The following ADGRL3 variants were observed in gnomAD, a reference collection of about 807,000 sequenced individuals.
ADGRL3 encodes the protein adhesion G protein-coupled receptor L3.
ADGRL3 carries 62 observed loss-of-function variants against 153.5 expected under a neutral mutation model. That is an observed-to-expected ratio of 0.40 (90% CI 0.33 to 0.50). The LOEUF (loss-of-function observed/expected upper bound fraction) is 0.50. ADGRL3 is among the 20% of genes least tolerant of loss of function. ADGRL3 has a pLI of 0.47. For missense variants in ADGRL3, 1,641 were observed against 1,859.4 expected (o/e 0.88, Z 2.16); for synonymous variants, 710 against 672.5 (o/e 1.06, Z -0.86).
intron 9 of ADGRL3, among the ~76,000 whole-genome samples, chr4:61,887,322 CTTATAA>C (rs764449291): frequency 1.6e-4 from 25 of 152,112 alleles, no homozygotes; most frequent in Admixed American, 3.3e-4. Context: ...TTAAGGAAGA[CTTATAA>C]TTATATAATG....
At chr4:61,406,646 T>C (rs2097001943) in intron 2 of ADGRL3, among the ~76,000 whole-genome samples, 1 of 152,006 alleles carries the variant, frequency 6.6e-6, no homozygotes, top group Admixed American at 6.6e-5. Context: ...CTAGGATATA[T>C]ATGTGGTTAA....
intron 9 of ADGRL3, among the ~76,000 whole-genome samples, chr4:61,887,330 T>G (rs1233899452): frequency 2.0e-5 from 3 of 152,202 alleles, no homozygotes; most frequent in African/African-American, 7.2e-5. Flanking sequence ...GACTTATAAT[T>G]ATATAATGCA....
At chr4:61,297,832 C>T (rs1045831313) in intron 1 of ADGRL3, among the ~76,000 whole-genome samples, 11 of 152,102 alleles carry the variant, frequency 7.2e-5, no homozygotes, top group African/African-American at 2.7e-4. Context: ...GTCGCCACCA[C>T]CACCACCACC....
intron 5 of ADGRL3, among the ~76,000 whole-genome samples, chr4:61,642,937 A>G (rs552182907): frequency 2.0e-5 from 3 of 152,144 alleles, no homozygotes; most frequent in Non-Finnish European, 2.9e-5. Flanking sequence ...ATCTTCTTCC[A>G]TTTGTTTGTA....
intron 21 of ADGRL3, among the ~76,000 whole-genome samples, chr4:62,016,358 A>G (rs749403780): frequency 2.6e-5 from 4 of 151,910 alleles, no homozygotes; most frequent in Non-Finnish European, 5.9e-5. Flanking sequence ...TTTATTTTCT[A>G]TTCTATATTT....
chr4:61,678,139 G>A (rs981885992), intron 6 of ADGRL3, among the ~76,000 whole-genome samples: 7 of 151,894 alleles, frequency 4.6e-5, no homozygotes, highest in African/African-American at 1.7e-4. Context: ...AGCCCCTACT[G>A]ACGATTATTG....
At chr4:61,405,294 G>T (rs1415457638) in intron 2 of ADGRL3, among the ~76,000 whole-genome samples, 1 of 152,026 alleles carries the variant, frequency 6.6e-6, no homozygotes, top group Non-Finnish European at 1.5e-5. Flanking sequence ...TCATGTGTGT[G>T]TAATTAGTAT....
chr4:61,436,326 C>G (rs181672238), intron 2 of ADGRL3, among the ~76,000 whole-genome samples: 1 of 152,246 alleles, frequency 6.6e-6, no homozygotes, highest in Admixed American at 6.5e-5. Context: ...ATTTATTTCA[C>G]AAGCTTCTTA....
chr4:61,501,572 A>G (rs2098387249), intron 3 of ADGRL3, among the ~76,000 whole-genome samples: 1 of 152,192 alleles, frequency 6.6e-6, no homozygotes, highest in Non-Finnish European at 1.5e-5. Context: ...TAGCATCTAA[A>G]CAAAATTATT....
chr4:61,364,505 A>G (rs1338139267), intron 1 of ADGRL3, among the ~76,000 whole-genome samples: 3 of 152,034 alleles, frequency 2.0e-5, no homozygotes, highest in Non-Finnish European at 2.9e-5. Context: ...TTTTAAAACA[A>G]AACATTGGCC....
At chr4:61,664,550 C>T (rs2150649703) in intron 5 of ADGRL3, among the ~76,000 whole-genome samples, 1 of 151,930 alleles carries the variant, frequency 6.6e-6, no homozygotes, top group Middle Eastern at 3.4e-3. Context: ...TTTTAAATTT[C>T]AATATGGATT....
intron 17 of ADGRL3, among the ~76,000 whole-genome samples, chr4:61,973,563 A>T (rs984970359): frequency 6.6e-6 from 1 of 152,204 alleles, no homozygotes; most frequent in Non-Finnish European, 1.5e-5. Flanking sequence ...CTTTCTAGAG[A>T]TGATAGATTC....
intron 2 of ADGRL3, among the ~76,000 whole-genome samples, chr4:61,392,637 G>C (rs561208092): frequency 8.4e-6 from 1 of 119,012 alleles, no homozygotes; most frequent in Non-Finnish European, 1.6e-5. Flanking sequence ...AGTGAGCCCA[G>C]ATTGCGCCAC....
chr4:61,826,916 TAAA>T (rs34335394), intron 9 of ADGRL3, among the ~76,000 whole-genome samples: 1 of 149,828 alleles, frequency 6.7e-6, no homozygotes, highest in Non-Finnish European at 1.5e-5. Flanking sequence ...TAAAGTATAA[TAAA>T]AAAAAAAATT....
Position 61,369,708 on chromosome 4 carries a change from C to T in ADGRL3, c.-239-13416C>T, listed in dbSNP as rs138337026. 7.2e-3 allele frequency among the ~76,000 whole-genome samples: 1,092 copies of T among 152,200 alleles called. 21 individuals carry two copies. The highest frequency in any genetic ancestry group is 0.025 in the African/African-American group (1,032 of 41,536). On this transcript the variant is annotated intron_variant, in intron 1 of 26. Transcript: ENST00000683033. Reference sequence around the variant, plus strand: ...AAAGTTATCCTTTTTGGTTGTGTCTCTGCCCGGTTTGGTATCAGAATGATG... The same window carrying T: ...AAAGTTATCCTTTTTGGTTGTGTCTTTGCCCGGTTTGGTATCAGAATGATG...
chr4:61,612,704 T>A (rs1202748893), intron 5 of ADGRL3, among the ~76,000 whole-genome samples: 1 of 152,182 alleles, frequency 6.6e-6, no homozygotes, highest in Non-Finnish European at 1.5e-5. Flanking sequence ...AAGTGATGGA[T>A]TTTGGCTTTT....
chr4:61,798,303 T>C (rs575486554), intron 8 of ADGRL3, among the ~76,000 whole-genome samples: 1 of 152,304 alleles, frequency 6.6e-6, no homozygotes, highest in East Asian at 1.9e-4. Context: ...ATGTGACTAT[T>C]GCTTATGATA....
chr4:61,457,851 C>CAGATAGAT (rs149992520), intron 2 of ADGRL3, among the ~76,000 whole-genome samples: 4,629 of 146,130 alleles, frequency 0.032, 100 homozygotes, highest in Non-Finnish European at 0.032. Flanking sequence ...TCACAGATGA[C>CAGATAGAT]AGATAGATAG....
chr4:62,014,876 G>A (rs2099204394), intron 21 of ADGRL3, among the ~76,000 whole-genome samples: 2 of 152,104 alleles, frequency 1.3e-5, no homozygotes, highest in African/African-American at 4.8e-5. Context: ...CCAATTCCAA[G>A]CAAATACCTC....
Sources: allele counts gnomAD v4.1 joint callset (sites outside exome capture counted in the v4.1 genomes callset), GRCh38; gene constraint gnomAD v4.1.1; transcripts MANE v1.5; gene names NCBI Gene and HGNC (gene_info 2026-07-23, HGNC 2026-07-21).